The following CTNNA2 variants were observed in gnomAD, a reference collection of about 807,000 sequenced individuals.
CTNNA2 encodes catenin alpha 2, also known as catenin alpha-2.
In CTNNA2, 42 loss-of-function variants were observed where a neutral mutation model predicts 101.0. The observed-to-expected ratio is 0.42, with a 90% CI of 0.32 to 0.54. The LOEUF (loss-of-function observed/expected upper bound fraction) is 0.54. Among genes scored for constraint, CTNNA2 ranks in the 20% least tolerant of loss-of-function variants. CTNNA2 has a pLI of 0.14. For missense variants in CTNNA2, 871 were observed against 1,223.1 expected (o/e 0.71, Z 4.29); for synonymous variants, 450 against 456.4 (o/e 0.99, Z 0.18).
chr2:79,439,107 A>G (rs1196077675), intron 4 of CTNNA2, among the ~76,000 whole-genome samples: 1 of 152,246 alleles, frequency 6.6e-6, no homozygotes, highest in African/African-American at 2.4e-5. Context: ...TCCACACAAA[A>G]GCCAGTGTAC....
intron 7 of CTNNA2, among the ~76,000 whole-genome samples, chr2:79,965,623 A>AG (rs1181718990): frequency 6.6e-6 from 1 of 152,118 alleles, no homozygotes; most frequent in Non-Finnish European, 1.5e-5. Flanking sequence ...CAGGAGTTTA[A>AG]GACCAGCCTG....
At chr2:79,234,420 G>A (rs1674532039) in intron 2 of CTNNA2, among the ~76,000 whole-genome samples, 1 of 152,064 alleles carries the variant, frequency 6.6e-6, no homozygotes, top group Non-Finnish European at 1.5e-5. Flanking sequence ...AGCCCGATGG[G>A]GCATTCTTTA....
intron 2 of CTNNA2, among the ~76,000 whole-genome samples, chr2:79,723,759 C>G (rs77485599): frequency 2.6e-5 from 4 of 152,146 alleles, no homozygotes; most frequent in Non-Finnish European, 4.4e-5. Context: ...CCCCACCCCC[C>G]GCTCTAATGG....
chr2:79,717,826 C>CT (rs780020196), intron 2 of CTNNA2, among the ~76,000 whole-genome samples: 11 of 152,170 alleles, frequency 7.2e-5, no homozygotes, highest in African/African-American at 2.7e-4. Context: ...TGTGTCAAAG[C>CT]ATGGAGAGAG....
chr2:80,384,780 T>C (rs1180638919), intron 7 of CTNNA2, among the ~76,000 whole-genome samples: 1 of 152,078 alleles, frequency 6.6e-6, no homozygotes, highest in Non-Finnish European at 1.5e-5. Flanking sequence ...CTAGATGCCC[T>C]GCCAAGACAT....
chr2:79,469,197 A>T (rs1190245965), intron 4 of CTNNA2, among the ~76,000 whole-genome samples: 3 of 152,224 alleles, frequency 2.0e-5, no homozygotes. Flanking sequence ...TAAAGAGGAT[A>T]TCACCTCTGA....
intron 8 of CTNNA2, among the ~76,000 whole-genome samples, chr2:80,394,441 C>A (rs1677813586): frequency 1.3e-5 from 2 of 152,174 alleles, no homozygotes; most frequent in Non-Finnish European, 2.9e-5. Context: ...AGCTAACAAA[C>A]CTTTTGGGGG....
intron 12 of CTNNA2, among the ~76,000 whole-genome samples, chr2:80,557,913 C>T (rs1381299960): frequency 6.6e-6 from 1 of 152,100 alleles, no homozygotes; most frequent in Non-Finnish European, 1.5e-5. Context: ...GATTTTTGCT[C>T]TTACTTGTTC....
chr2:80,608,062 G>C, intron 16 of CTNNA2, 122 bp from the exon 17 acceptor site: 1 of 871,098 alleles, frequency 1.1e-6, no homozygotes, highest in Non-Finnish European at 1.7e-6. Flanking sequence ...AAAAAGTTAA[G>C]TTAAATGAAT....
intron 7 of CTNNA2, among the ~76,000 whole-genome samples, chr2:80,223,565 C>T (rs996682134): frequency 2.0e-5 from 3 of 152,176 alleles, no homozygotes; most frequent in South Asian, 4.1e-4. Context: ...TGAGCCACTG[C>T]GCCTGGCCCT....
At chr2:80,221,383 T>C (rs750517624) in intron 7 of CTNNA2, among the ~76,000 whole-genome samples, 36 of 152,164 alleles carry the variant, frequency 2.4e-4, no homozygotes, top group African/African-American at 8.2e-4. Flanking sequence ...GGAAGTGATA[T>C]GGGGACCTCA....
chr2:79,452,671 T>C (rs917209860), intron 4 of CTNNA2, among the ~76,000 whole-genome samples: 25 of 151,984 alleles, frequency 1.6e-4, no homozygotes, highest in Admixed American at 9.8e-4. Context: ...TGCACCTTCT[T>C]TTGAAAGATA....
intron 1 of CTNNA2, among the ~76,000 whole-genome samples, chr2:79,632,540 A>G (rs1283398451): frequency 6.6e-6 from 1 of 152,222 alleles, no homozygotes; most frequent in Non-Finnish European, 1.5e-5. Flanking sequence ...TACAGTTTCC[A>G]TGGTAGTAGG....
At chr2:80,400,850 TA>T (rs1187029805) in intron 8 of CTNNA2, among the ~76,000 whole-genome samples, 1 of 152,162 alleles carries the variant, frequency 6.6e-6, no homozygotes, top group Non-Finnish European at 1.5e-5. Flanking sequence ...TCATAACCAG[TA>T]TCCTAGACCC....
chr2:80,368,602 A>T (rs1306105564), intron 7 of CTNNA2, among the ~76,000 whole-genome samples: 1 of 152,004 alleles, frequency 6.6e-6, no homozygotes, highest in African/African-American at 2.4e-5. Context: ...AGCCTGATTG[A>T]TCTATTTTGT....
intron 7 of CTNNA2, among the ~76,000 whole-genome samples, chr2:80,348,752 G>A (rs1673014654): frequency 8.3e-6 from 1 of 120,146 alleles, no homozygotes; most frequent in Non-Finnish European, 1.6e-5. Flanking sequence ...CTTAGGTTCT[G>A]ATTTAAATAA....
intron 8 of CTNNA2, among the ~76,000 whole-genome samples, 159 bp downstream of exon 8, chr2:80,393,450 A>G (rs1335877083): frequency 6.6e-6 from 1 of 152,162 alleles, no homozygotes; most frequent in African/African-American, 2.4e-5. Flanking sequence ...CAAGGTAGAG[A>G]TTGCTGGACA....
At chr2:79,723,693 C>A (rs114873529) in intron 2 of CTNNA2, among the ~76,000 whole-genome samples, 1 of 152,144 alleles carries the variant, frequency 6.6e-6, no homozygotes, top group African/African-American at 2.4e-5. Flanking sequence ...TCTTGCTGAT[C>A]ATACATATGG....
intron 7 of CTNNA2, among the ~76,000 whole-genome samples, chr2:80,133,017 G>T (rs945565269): frequency 6.6e-6 from 1 of 152,180 alleles, no homozygotes; most frequent in Non-Finnish European, 1.5e-5. Context: ...TGGAAATAGT[G>T]TCTTTGCAGG....
Sources: allele counts gnomAD v4.1 joint callset (sites outside exome capture counted in the v4.1 genomes callset), GRCh38; gene constraint gnomAD v4.1.1; transcripts MANE v1.5; gene names NCBI Gene and HGNC (gene_info 2026-07-23, HGNC 2026-07-21).